Variants in DNAH10 observed in about 807,000 individuals in gnomAD.
DNAH10 encodes the protein dynein axonemal heavy chain 10, also known as axonemal beta dynein heavy chain 10.
In DNAH10, 348 loss-of-function variants were observed where a neutral mutation model predicts 506.6. That is an observed-to-expected ratio of 0.69 (90% CI 0.63 to 0.75). DNAH10 has a LOEUF of 0.75. DNAH10 is among the 30% of genes least tolerant of loss of function. The pLI is 0.00. For missense variants in DNAH10, 5,179 were observed against 5,787.1 expected, an observed-to-expected ratio of 0.89 and a Z score of 3.41; for synonymous variants, 2,059 against 2,198.6, an observed-to-expected ratio of 0.94 and a Z score of 1.78.
chr12:123,882,158 G>A (rs763543776), intron 51 of DNAH10: 22 of 188,648 alleles, frequency 1.2e-4, no homozygotes, highest in Admixed American at 4.3e-4. Context: ...CATCAAAGCC[G>A]GGGACCATCT....
intron 48 of DNAH10, among the ~76,000 whole-genome samples, chr12:123,878,601 A>G (rs1594268070): frequency 6.6e-6 from 1 of 152,190 alleles, no homozygotes; most frequent in African/African-American, 2.4e-5. Context: ...TGGCTCTTAG[A>G]AAAAGGAGCT....
intron 47 of DNAH10, among the ~76,000 whole-genome samples, chr12:123,875,717 A>G (rs922579266): frequency 6.6e-5 from 10 of 152,226 alleles, no homozygotes; most frequent in Non-Finnish European, 1.2e-4. Context: ...GAAGAGGTCC[A>G]TGGAGGTAAA....
In DNAH10 at chr12:123,835,535, G is replaced by T; in HGVS notation, c.4902+7G>T. ...CGATAAAGTATTTAAAAGGGCAAGTGACTCGCTTCTATTTTAGTAATGAAA... is the reference window on the plus strand; with the variant it reads ...CGATAAAGTATTTAAAAGGGCAAGTTACTCGCTTCTATTTTAGTAATGAAA... On this transcript the variant is annotated splice_region_variant and intron_variant, in intron 28 of 78. Coordinates refer to ENST00000673944, the MANE Select transcript of DNAH10 (RefSeq NM_001372106.1). 1 of 1,604,862 alleles carries T rather than the reference G, an allele frequency of 6.2e-7. No individual in the cohort carries two copies. Among genetic ancestry groups the T allele is most frequent in the South Asian group, 1.1e-5 (1 of 88,924 alleles).
chr12:123,837,124 T>A (rs1961231663), intron 28 of DNAH10, among the ~76,000 whole-genome samples: 1 of 142,666 alleles, frequency 7.0e-6, no homozygotes, highest in Admixed American at 7.5e-5. Flanking sequence ...GTGCTGGGAT[T>A]ACAGATGTGA....
rs750541917 is a variant in DNAH10 at position 123,903,093 on chromosome 12, G to A, written c.9795G>A (p.Lys3265=). The part of the protein sequence containing the change: ...AAKLELQKLD[K]SDVTEIRSFA... ...AGCTGGAACTGCAGAAGCTGGACAA[G>A]TCGGACGTGACTGAGATTAGGTAAT... The change falls in exon 57 of 79, where the codon AAG becomes AAA. Residue 3265 remains lysine, a synonymous_variant. Coordinates refer to ENST00000673944, the MANE Select transcript of DNAH10 (RefSeq NM_001372106.1). The surrounding 1 kb of genome is among the most constrained non-coding windows in gnomAD (Gnocchi z 4.6). The A allele has an allele frequency of 1.2e-6, 2 of 1,611,314 alleles. No homozygotes were observed. Among genetic ancestry groups the A allele is most frequent in the Non-Finnish European group, 1.7e-6 (2 of 1,178,850 alleles).
Position 123,783,176 on chromosome 12 carries a change from A to T in DNAH10, c.911A>T (p.Glu304Val), listed in dbSNP as rs750817082. ...GTGTCTGACCTGGCAGCTGACCCGG[A>T]AACCGTTGACATCTTGGAGCAGTGT... ...GEVSDLAADP[E>V]TVDILEQCVI... The change falls in exon 7 of 79, where the codon GAA (glutamate) becomes GTA (valine). Residue 304 changes from glutamate (E) to valine (V), a missense_variant. By Grantham distance (121) the Glu-to-Val change is moderately radical. Coordinates refer to ENST00000673944, the MANE Select transcript of DNAH10 (RefSeq NM_001372106.1). 1.2e-5 allele frequency: 20 copies of T among 1,614,096 alleles called. No individual in the cohort carries two copies. The highest frequency in any genetic ancestry group is 1.7e-5 in the Non-Finnish European group (20 of 1,180,044).
intron 19 of DNAH10, among the ~76,000 whole-genome samples, chr12:123,812,552 A>G (rs1443549519): frequency 6.6e-6 from 1 of 152,238 alleles, no homozygotes; most frequent in Non-Finnish European, 1.5e-5. Context: ...CTAAGCAGTC[A>G]ATTTGCCTGA....
At chr12:123,859,389 C>G (rs1951528522) in intron 38 of DNAH10, 121 bp downstream of exon 38, 1 of 741,504 alleles carries the variant, frequency 1.3e-6, no homozygotes, top group African/African-American at 1.8e-5. Context: ...ATTTGTAATA[C>G]ACACCCCTTT....
chr12:123,890,931 C>T (rs1275305908), intron 52 of DNAH10, among the ~76,000 whole-genome samples: 1 of 152,088 alleles, frequency 6.6e-6, no homozygotes, highest in African/African-American at 2.4e-5. Flanking sequence ...GTTGAGTTTG[C>T]TGCACTAGAT....
chr12:123,818,076 G>A (rs986304577), intron 21 of DNAH10, among the ~76,000 whole-genome samples: 2 of 151,466 alleles, frequency 1.3e-5, no homozygotes, highest in African/African-American at 4.9e-5. Flanking sequence ...GGCCTCCTGA[G>A]TAGCTGCAAT....
chr12:123,924,601 C>CTAGT (rs1954857992), intron 67 of DNAH10, among the ~76,000 whole-genome samples, 169 bp downstream of exon 67: 1 of 152,178 alleles, frequency 6.6e-6, no homozygotes, highest in Non-Finnish European at 1.5e-5. Flanking sequence ...GCTAATTCAG[C>CTAGT]TAGTTGTATG....
At chr12:123,841,206 C>A in intron 29 of DNAH10, 116 bp from the exon 30 acceptor site, 1 of 1,054,496 alleles carries the variant, frequency 9.5e-7, no homozygotes, top group Non-Finnish European at 1.5e-6. Flanking sequence ...GCGATCTCGG[C>A]TCACCGGTTG....
In DNAH10 at chr12:123,914,860, C is replaced by A. The variant is rs765085145; in HGVS notation, c.10583C>A (p.Ser3528Tyr). The A allele has an allele frequency of 5.0e-6, 8 of 1,613,132 alleles. No homozygotes were observed. The highest frequency in any genetic ancestry group is 1.6e-4 in the Middle Eastern group (1 of 6,080). ...TDDVEISRWG[S>Y]QGLPPDELSV... is the part of the protein sequence containing the mutation. ...ATGGCTGTTTCTTCCAGATGGGGAT[C>A]CCAGGGCCTTCCCCCCGATGAGCTC... Residue 3528 changes from serine to tyrosine, a missense_variant, in exon 62 of 79, where the codon TCC (serine) becomes TAC (tyrosine). Physicochemically the swap from Ser to Tyr is moderately radical, Grantham distance 144 (BLOSUM62 -2). Around this residue, in one of 3 missense-constraint regions of DNAH10, gnomAD observed 4,844 missense variants for 5,430.5 expected, o/e 0.89. Coordinates refer to ENST00000673944, the MANE Select transcript of DNAH10 (RefSeq NM_001372106.1).
intron 51 of DNAH10, among the ~76,000 whole-genome samples, chr12:123,883,129 G>A (rs1952582981): frequency 6.6e-6 from 1 of 152,190 alleles, no homozygotes; most frequent in Admixed American, 6.5e-5. Context: ...GGGCGTGTTT[G>A]TTGTTTCCAC....
At chr12:123,798,648 A>G (rs1019569895) in intron 13 of DNAH10, among the ~76,000 whole-genome samples, 8 of 151,210 alleles carry the variant, frequency 5.3e-5, no homozygotes, top group Non-Finnish European at 8.8e-5. Flanking sequence ...AAATCTATTG[A>G]CTTCCTTTTT....
Position 123,928,148 on chromosome 12 carries a change from C to CA in DNAH10, c.12106-235dup. On this transcript the variant is annotated intron_variant, in intron 69 of 78. Coordinates refer to ENST00000673944, the MANE Select transcript of DNAH10 (RefSeq NM_001372106.1). This position sits in a 1 kb window ranked among gnomAD's most constrained non-coding sequence, Gnocchi z 4.9. ...CCAGGGCCAGGGAGGCAGATGAGTG[C>CA]AAAATGCTCACCCATCTTCCAGGCT... is the stretch of plus-strand genomic sequence containing the variant. The CA allele has an allele frequency of 1.7e-6, 1 of 591,970 alleles. No homozygotes were observed. The highest frequency in any genetic ancestry group is 2.0e-5 in the South Asian group (1 of 49,034). 36.7% of individuals were successfully genotyped at this position (591,970 alleles called of 1,614,324 possible). A position where few individuals can be genotyped will look rare whatever the true frequency, so the allele number is the denominator to read the frequency against.
intron 5 of DNAH10, among the ~76,000 whole-genome samples, chr12:123,780,079 G>T (rs889993806): frequency 3.2e-5 from 4 of 126,638 alleles, no homozygotes; most frequent in African/African-American, 9.6e-5. Context: ...AGAACAAGAT[G>T]GTCCTGAGCT....
rs74853207 is a variant in DNAH10, at chr12:123,771,540, C to A, written c.299-61C>A. 6.9e-5 allele frequency: 99 copies of A among 1,432,562 alleles called. 1 individual carries two copies. In the African/African-American group the frequency reaches 1.2e-3, roughly 18 times the overall value. The allele number at this position is 1,432,562 out of a possible 1,614,324, so 88.7% of individuals were successfully genotyped here. A position where few individuals can be genotyped will look rare whatever the true frequency, so the allele number is the denominator to read the frequency against. On this transcript the variant is annotated intron_variant, in intron 2 of 78. Transcript: ENST00000673944. Reference sequence around the variant, plus strand: ...CTGGTGCACAAAATGCAGGGCTGCTCTTGATGGTAGGAAACCTAATTTTCT... The same window carrying A: ...CTGGTGCACAAAATGCAGGGCTGCTATTGATGGTAGGAAACCTAATTTTCT...
intron 55 of DNAH10, 110 bp downstream of exon 55, chr12:123,898,077 A>G: frequency 9.8e-7 from 1 of 1,016,194 alleles, no homozygotes; most frequent in Non-Finnish European, 1.4e-6. Flanking sequence ...ATTGAGGCCA[A>G]ACGAAGCACA....
Sources: gnomAD v4.1 joint callset for allele counts (sites outside exome capture counted in the v4.1 genomes callset) on GRCh38, gnomAD v4.1.1 for gene constraint, gnomAD v4.1.1 regional missense constraint, Gnocchi (gnomAD v3.1) non-coding constraint, MANE v1.5 for transcripts, NCBI Gene and HGNC (gene_info 2026-07-23, HGNC 2026-07-21) for gene names.